PECAM1: variants seen among roughly 807,000 people sequenced by gnomAD.
The protein encoded by PECAM1 is platelet and endothelial cell adhesion molecule 1, also known as platelet endothelial cell adhesion molecule.
In PECAM1, 8 loss-of-function variants were observed where a neutral mutation model predicts 13.8. The ratio of observed to expected loss-of-function variants is 0.58; its 90% CI spans 0.34 to 1.05. The LOEUF is 1.05. PECAM1 is among the 50% of genes least tolerant of loss of function. PECAM1 has a pLI of 0.03. For synonymous variants in PECAM1, 136 were observed against 52.6 expected, an observed-to-expected ratio of 2.58 and a Z score of -6.86; for missense variants, 304 against 141.2, an observed-to-expected ratio of 2.15 and a Z score of -5.84.
At chr17:64,363,441 C>T (rs2036031886) in intron 5 of PECAM1, 44 bp from the exon 6 acceptor site, 1 of 474,542 alleles carries the variant, frequency 2.1e-6, no homozygotes. Context: ...TGTCTGGCCA[C>T]CACCCTAAAG....
In PECAM1 at chr17:64,348,280, G is replaced by C. The variant is rs1337102886; in HGVS notation, c.2087C>G (p.Ser696Cys). The C allele has an allele frequency of 6.3e-6, 3 of 475,250 alleles. No individual in the cohort carries two copies. The highest frequency in any genetic ancestry group is 2.0e-5 in the African/African-American group (1 of 50,516). 29.4% of individuals were successfully genotyped at this position (475,250 alleles called of 1,614,324 possible). ...SDVQYTEVQV[S>C]SAESHKDLGK... is the part of the protein sequence containing the mutation. ...CTTACCTTTGTGAGACTCAGCTGAG[G>C]ACACTTGAACTTCCGTGTACTGCAC... The change falls in exon 13 of 16, where the codon TCC becomes TGC. Residue 696 changes from serine (S) to cysteine (C), a missense_variant. Ser to Cys is a moderately radical substitution (Grantham distance 112). Coordinates refer to ENST00000563924, the MANE Select transcript of PECAM1 (RefSeq NM_000442.5).
intron 2 of PECAM1, among the ~76,000 whole-genome samples, chr17:64,381,616 A>T (rs915232289): frequency 6.6e-6 from 1 of 152,182 alleles, no homozygotes; most frequent in African/African-American, 2.4e-5. Context: ...CTATATTCTG[A>T]GCAATTAATT....
In PECAM1 at chr17:64,360,355, G is replaced by T. The variant is rs998884706; in HGVS notation, c.1277C>A (p.Thr426Asn). 27 of 475,240 alleles carry T rather than the reference G, an allele frequency of 5.7e-5. No individual in the cohort carries two copies. The highest frequency in any genetic ancestry group is 4.9e-4 in the African/African-American group (25 of 50,510). The allele number at this position is 475,240 out of a possible 1,614,324, so 29.4% of individuals were successfully genotyped here. The part of the protein sequence containing the change: ...DAQFEVIKGQ[T>N]IEVRCESISG... ...GATCGATTCGCAACGGACTTCGATG[G>T]TCTGTCCTTTTATGACCTCAAACTG... Residue 426 changes from threonine (T) to asparagine (N), a missense_variant, in exon 7 of 16, where the codon ACC (threonine) becomes AAC (asparagine). Physicochemically the swap from Thr to Asn is moderately conservative, Grantham distance 65 (BLOSUM62 0). Transcript: ENST00000563924.
At chr17:64,380,315 C>T (rs1454673632) in intron 2 of PECAM1, among the ~76,000 whole-genome samples, 5 of 150,606 alleles carry the variant, frequency 3.3e-5, no homozygotes, top group Non-Finnish European at 5.9e-5. Flanking sequence ...GCAACAAGAG[C>T]GAAACTCCAT....
chr17:64,366,896 G>T (rs2036120342), intron 5 of PECAM1, among the ~76,000 whole-genome samples: 1 of 149,160 alleles, frequency 6.7e-6, no homozygotes, highest in African/African-American at 2.5e-5. Flanking sequence ...AATGGGTGCG[G>T]TACACCAGCA....
At chr17:64,345,848 G>A (rs1335866213) in intron 13 of PECAM1, among the ~76,000 whole-genome samples, 2 of 151,480 alleles carry the variant, frequency 1.3e-5, no homozygotes, top group South Asian at 2.1e-4. Flanking sequence ...CATTCTGTTG[G>A]TAGGCTATGG....
At chr17:64,328,631 G>A (rs1461253038) in intron 15 of PECAM1, among the ~76,000 whole-genome samples, 1 of 152,154 alleles carries the variant, frequency 6.6e-6, no homozygotes, top group Non-Finnish European at 1.5e-5. Context: ...GAATGTCAGT[G>A]GCTTCCTGTC....
At position 64,358,385 on chromosome 17, in the gene PECAM1, C is replaced by T. The variant is rs1223336967; in HGVS notation, c.1492+1755G>A. On this transcript the variant is annotated intron_variant, in intron 7 of 15. Transcript: ENST00000563924. ...CCACCCCATTCGGTCTCCCAAAGTG[C>T]TGGGATTATAGGCGTGAGCCACCGC... Among the ~76,000 whole-genome samples, 4 of 152,246 alleles carry T rather than the reference C, an allele frequency of 2.6e-5. No homozygotes were observed. The East Asian group carries it at 7.7e-4, about 29-fold the overall frequency.
At chr17:64,389,109 A>G (rs2036662808) in intron 2 of PECAM1, among the ~76,000 whole-genome samples, 2 of 152,200 alleles carry the variant, frequency 1.3e-5, no homozygotes, top group Non-Finnish European at 2.9e-5. Context: ...AGCCTGGCAG[A>G]GGGGCTTTGC....
At chr17:64,341,154 C>T (rs1487881357) in intron 14 of PECAM1, among the ~76,000 whole-genome samples, 3 of 150,558 alleles carry the variant, frequency 2.0e-5, no homozygotes, top group African/African-American at 7.3e-5. Context: ...ATCCCATCTA[C>T]TTGGGAGGCT....
At chr17:64,345,711 T>TA (rs34143232) in intron 13 of PECAM1, among the ~76,000 whole-genome samples, 3,479 of 81,556 alleles carry the variant, frequency 0.043, 67 homozygotes, top group East Asian at 0.085. Flanking sequence ...AAGACTGTCA[T>TA]AAAAAAAAAA....
At chr17:64,354,772 A>T (rs896391756) in intron 9 of PECAM1, among the ~76,000 whole-genome samples, 161 bp downstream of exon 9, 1 of 152,228 alleles carries the variant, frequency 6.6e-6, no homozygotes, top group African/African-American at 2.4e-5. Flanking sequence ...ACAAAGATGC[A>T]ATTTCCCCCC....
At chr17:64,333,674 GT>G (rs1472016444) in intron 14 of PECAM1, among the ~76,000 whole-genome samples, 6 of 151,168 alleles carry the variant, frequency 4.0e-5, no homozygotes, top group African/African-American at 1.2e-4. Context: ...ATTGTAAAAA[GT>G]AAAAAAAAAA....
At chr17:64,382,232 C>T (rs2036497492) in intron 2 of PECAM1, among the ~76,000 whole-genome samples, 1 of 152,312 alleles carries the variant, frequency 6.6e-6, no homozygotes, top group African/African-American at 2.4e-5. Context: ...AGTACTTCCT[C>T]CTTCATTTTA....
At position 64,329,701 on chromosome 17, in the gene PECAM1, G is replaced by A. The variant is rs374641874; in HGVS notation, c.2186C>T (p.Ser729Phe). The A allele has an allele frequency of 1.3e-5, 10 of 767,798 alleles. No homozygotes were observed. In the African/African-American group the frequency reaches 1.7e-4, roughly 13 times the overall value. The allele number at this position is 767,798 out of a possible 1,614,324, so 47.6% of individuals were successfully genotyped here. A position where few individuals can be genotyped will look rare whatever the true frequency, so the allele number is the denominator to read the frequency against. Residue 729 changes from serine to phenylalanine, a missense_variant and splice_region_variant, in exon 15 of 16, where the codon TCT becomes TTT. Ser to Phe is a radical substitution (Grantham distance 155, BLOSUM62 -2). Transcript: ENST00000563924. The stretch of plus-strand genomic sequence containing the variant: ...AATGTATATGAAATGTGTACTTACA[G>A]AGTATCTGCTTTCCACGGCATCTAC... ...AVPDAVESRY[S>F]RTEGSLDGT
At chr17:64,373,112 C>CAAGT in intron 4 of PECAM1, among the ~76,000 whole-genome samples, 1 of 142,212 alleles carries the variant, frequency 7.0e-6, no homozygotes, top group South Asian at 2.3e-4. Context: ...AACTCTGTCT[C>CAAGT]AAATAAATAA....
chr17:64,347,888 A>C, intron 13 of PECAM1, among the ~76,000 whole-genome samples: 1 of 150,240 alleles, frequency 6.7e-6, no homozygotes, highest in Non-Finnish European at 1.5e-5. Flanking sequence ...GCGCCACCAG[A>C]GCCGGCTAAT....
At chr17:64,358,031 C>T (rs2143800961) in intron 7 of PECAM1, among the ~76,000 whole-genome samples, 1 of 150,988 alleles carries the variant, frequency 6.6e-6, no homozygotes, top group South Asian at 2.1e-4. Flanking sequence ...TTAGGCTCAG[C>T]CACTTTTTCA....
rs1381646622 is a variant in PECAM1 at position 64,378,037 on chromosome 17, A to G, written c.172T>C (p.Phe58Leu). 2.1e-6 allele frequency: 1 copy of G among 475,228 alleles called. No homozygotes were observed. The highest frequency in any genetic ancestry group is 3.9e-6 in the Non-Finnish European group (1 of 259,058). The allele number at this position is 475,228 out of a possible 1,614,324, so 29.4% of individuals were successfully genotyped here. A position where few individuals can be genotyped will look rare whatever the true frequency, so the allele number is the denominator to read the frequency against. The change falls in exon 3 of 16, where the codon TTC becomes CTC. Residue 58 changes from phenylalanine to leucine, a missense_variant. Coordinates refer to ENST00000563924, the MANE Select transcript of PECAM1 (RefSeq NM_000442.5). ...TGAGAGGTGGTGCTGACATCCGCGA[A>G]GCACTGCAGGGTCAGGTTCTTCCCA... ...QNGKNLTLQC[F>L]ADVSTTSHVK...
Sources: gnomAD v4.1 joint callset for allele counts (sites outside exome capture counted in the v4.1 genomes callset) on GRCh38, gnomAD v4.1.1 for gene constraint, MANE v1.5 for transcripts, NCBI Gene and HGNC (gene_info 2026-07-23, HGNC 2026-07-21) for gene names.